The following TNR variants were observed in gnomAD, a reference collection of about 807,000 sequenced individuals.
TNR encodes the protein tenascin R.
A neutral mutation model predicts 150.4 loss-of-function variants in TNR; 45 were observed. That is an observed-to-expected ratio of 0.30 (90% CI 0.24 to 0.38). The LOEUF (loss-of-function observed/expected upper bound fraction) is 0.38, where lower values mean the gene tolerates loss of function less well. TNR is among the 10% of genes least tolerant of loss of function. The pLI is 1.00. For synonymous variants in TNR, 687 were observed against 678.4 expected (o/e 1.01, Z -0.20); for missense variants, 1,544 against 1,759.1 (o/e 0.88, Z 2.19).
chr1:175,588,939 T>G (rs1662684264), intron 1 of TNR, among the ~76,000 whole-genome samples: 1 of 152,160 alleles, frequency 6.6e-6, no homozygotes, highest in Non-Finnish European at 1.5e-5. Flanking sequence ...CGCATTCATC[T>G]ATGGTAACAA....
At chr1:175,365,504 G>A (rs1192354168) in intron 11 of TNR, among the ~76,000 whole-genome samples, 1 of 152,146 alleles carries the variant, frequency 6.6e-6, no homozygotes, top group African/African-American at 2.4e-5. Flanking sequence ...CTACTTCTGT[G>A]AGTTAATCAT....
intron 1 of TNR, among the ~76,000 whole-genome samples, chr1:175,727,185 T>C (rs1304357651): frequency 6.6e-6 from 1 of 152,244 alleles, no homozygotes; most frequent in Admixed American, 6.5e-5. Flanking sequence ...AAATTGTGAA[T>C]CTTTTTAGAA....
At chr1:175,436,159 T>C (rs1254602298) in intron 2 of TNR, among the ~76,000 whole-genome samples, 1 of 152,182 alleles carries the variant, frequency 6.6e-6, no homozygotes, top group Non-Finnish European at 1.5e-5. Flanking sequence ...GCGTTCTCTG[T>C]ATTTCCTGAA....
intron 1 of TNR, among the ~76,000 whole-genome samples, chr1:175,660,026 A>G (rs546708239): frequency 4.6e-5 from 7 of 151,580 alleles, no homozygotes; most frequent in Non-Finnish European, 8.8e-5. Flanking sequence ...TTAGATGCAT[A>G]GATGCATAGT....
intron 1 of TNR, among the ~76,000 whole-genome samples, chr1:175,682,376 C>T (rs756698020): frequency 6.6e-6 from 1 of 152,208 alleles, no homozygotes; most frequent in Non-Finnish European, 1.5e-5. Flanking sequence ...GGCAGAGACG[C>T]CGCTCAGAGA....
At chr1:175,640,034 A>G (rs1047161053) in intron 1 of TNR, among the ~76,000 whole-genome samples, 2 of 152,226 alleles carry the variant, frequency 1.3e-5, no homozygotes, top group African/African-American at 4.8e-5. Context: ...ACAGTGCCCA[A>G]CAGGTAGCAT....
intron 4 of TNR, among the ~76,000 whole-genome samples, chr1:175,397,769 C>T (rs1653501751): frequency 6.6e-6 from 1 of 152,176 alleles, no homozygotes; most frequent in South Asian, 2.1e-4. Flanking sequence ...TTCTCAAATG[C>T]TACTTGGAGT....
chr1:175,590,518 C>T (rs1444721584), intron 1 of TNR, among the ~76,000 whole-genome samples: 1 of 152,198 alleles, frequency 6.6e-6, no homozygotes, highest in African/African-American at 2.4e-5. Context: ...CATGTCTATT[C>T]TCAAGGAGTT....
At chr1:175,495,821 A>G (rs1658463611) in intron 2 of TNR, among the ~76,000 whole-genome samples, 1 of 152,344 alleles carries the variant, frequency 6.6e-6, no homozygotes, top group East Asian at 1.9e-4. Flanking sequence ...TGCGTCAGGC[A>G]TTTCACATAG....
intron 2 of TNR, among the ~76,000 whole-genome samples, chr1:175,519,945 T>G (rs574951898): frequency 3.7e-4 from 56 of 152,322 alleles, no homozygotes; most frequent in Admixed American, 1.4e-3. Flanking sequence ...TCAAACTACT[T>G]GGGTTCAAAT....
At chr1:175,396,917 G>T in intron 4 of TNR, 110 bp from the exon 5 acceptor site, 2 of 1,410,010 alleles carry the variant, frequency 1.4e-6, no homozygotes, top group Non-Finnish European at 1.9e-6. Context: ...TATATGTCCT[G>T]CTGGGCTCAA....
At chr1:175,687,808 G>C (rs974419854) in intron 1 of TNR, among the ~76,000 whole-genome samples, 1 of 151,496 alleles carries the variant, frequency 6.6e-6, no homozygotes, top group East Asian at 1.9e-4. Context: ...ATATGGCTCA[G>C]GCTGAAGACT....
intron 1 of TNR, among the ~76,000 whole-genome samples, chr1:175,554,145 T>C (rs1488562595): frequency 6.6e-6 from 1 of 152,188 alleles, no homozygotes; most frequent in African/African-American, 2.4e-5. Flanking sequence ...TTGTTCTTGC[T>C]AAGTATGGAG....
chr1:175,411,586 A>G (rs557608325), intron 2 of TNR, among the ~76,000 whole-genome samples: 1 of 151,682 alleles, frequency 6.6e-6, no homozygotes, highest in African/African-American at 2.4e-5. Flanking sequence ...GGTGGCTGCT[A>G]GCATCCCATG....
At chr1:175,602,876 T>TTA (rs917180005) in intron 1 of TNR, among the ~76,000 whole-genome samples, 64 of 152,360 alleles carry the variant, frequency 4.2e-4, no homozygotes, top group Middle Eastern at 6.8e-3. Context: ...GGGGAGAAAC[T>TTA]TATGGCACAT....
At chr1:175,640,791 G>GTGTATATATATATATATATATATA (rs1158722943) in intron 1 of TNR, among the ~76,000 whole-genome samples, 10 of 143,698 alleles carry the variant, frequency 7.0e-5, no homozygotes, top group African/African-American at 2.6e-4. Context: ...GTGTGTGTGG[G>GTGTATATATATATATATATATATA]TATATATATA....
chr1:175,541,119 C>CCGAGAAGA (rs1660484792), intron 1 of TNR, among the ~76,000 whole-genome samples: 1 of 152,182 alleles, frequency 6.6e-6, no homozygotes, highest in Non-Finnish European at 1.5e-5. Context: ...TTCACCTCCT[C>CCGAGAAGA]CGAGAAGACG....
intron 1 of TNR, among the ~76,000 whole-genome samples, chr1:175,674,986 G>C (rs1033684208): frequency 6.6e-6 from 1 of 152,214 alleles, no homozygotes; most frequent in Admixed American, 6.5e-5. Context: ...GCCAGGAGAA[G>C]GGGGAGCAGG....
In TNR at chr1:175,331,078, C is replaced by CTTTCCTTCTCTTTCTTTCTTTCT. The variant is rs57439733; in HGVS notation, c.3632-844_3632-843insAGAAAGAAAGAAAGAGAAGGAAA. ...CTTTCTTTCTTTCTTTCTTTCTTTC[C>CTTTCCTTCTCTTTCTTTCTTTCT]TTCTTTCTTTCTTTCTTTCTTTCTC... On this transcript the variant is annotated intron_variant, in intron 20 of 22. Transcript: ENST00000367674. Among the ~76,000 whole-genome samples the CTTTCCTTCTCTTTCTTTCTTTCT allele has an allele frequency of 1.3e-4, 8 of 59,944 alleles. 2 individuals carry two copies. The highest frequency in any genetic ancestry group is 5.2e-4 in the Admixed American group (3 of 5,824). 39.3% of individuals were successfully genotyped at this position (59,944 alleles called of 152,430 possible).
Sources: allele counts gnomAD v4.1 joint callset (sites outside exome capture counted in the v4.1 genomes callset), GRCh38; gene constraint gnomAD v4.1.1; transcripts MANE v1.5; gene names NCBI Gene and HGNC (gene_info 2026-07-23, HGNC 2026-07-21).